Variants in ERMAP observed in about 807,000 individuals in gnomAD.
ERMAP encodes the protein erythroblast membrane associated protein (Scianna blood group), also known as erythroid membrane-associated protein.
ERMAP carries 34 observed loss-of-function variants against 49.5 expected under a neutral mutation model. The observed-to-expected ratio is 0.69, with a 90% CI of 0.52 to 0.91. ERMAP has a LOEUF of 0.91. Among genes scored for constraint, ERMAP ranks in the 40% least tolerant of loss-of-function variants. ERMAP has a pLI of 0.00. For missense variants in ERMAP, 541 were observed against 582.6 expected (o/e 0.93, Z 0.74); for synonymous variants, 214 against 232.2 (o/e 0.92, Z 0.71).
rs1654354698 is a variant in ERMAP at position 42,819,647 on chromosome 1, A to G, written c.-122+2394A>G. 6.6e-6 allele frequency among the ~76,000 whole-genome samples: 1 copy of G among 152,198 alleles called. No individual in the cohort carries two copies. The highest frequency in any genetic ancestry group is 2.1e-4 in the South Asian group (1 of 4,830). ...AAAATTATCTATTTTTATTTGCTTA[A>G]TGATCTATGCATCCCTTGTTTATTT... On this transcript the variant is annotated intron_variant, in intron 1 of 11. Transcript: ENST00000372517. This position sits in a 1 kb window ranked among gnomAD's most constrained non-coding sequence, Gnocchi z 5.1.
At chr1:42,825,491 A>G in intron 1 of ERMAP, 132 bp from the exon 2 acceptor site, 1 of 1,177,826 alleles carries the variant, frequency 8.5e-7, no homozygotes, top group Non-Finnish European at 1.1e-6. Context: ...CTGTTCTTTT[A>G]TCAGGGGCAT....
chr1:42,837,246 T>C (rs957362334), intron 7 of ERMAP, 56 bp downstream of exon 7: 1 of 1,552,150 alleles, frequency 6.4e-7, no homozygotes, highest in Non-Finnish European at 8.9e-7. Context: ...TTTATTTTTC[T>C]ATGTAAATGT....
Position 42,830,475 on chromosome 1 carries a change from C to T in ERMAP, c.27C>T (p.Ser9=). The change falls in exon 3 of 12, where the codon TCC becomes TCT. Residue 9 remains serine (S), a synonymous_variant. Transcript: ENST00000372517. ...TGGAGATGGCGAGTTCTGCTGGCTC[C>T]TGGCTCTCTGGCTGCCTCATCCCTC... is the stretch of plus-strand genomic sequence containing the variant. MEMASSAG[S]WLSGCLIPLV... 1 of 1,614,214 alleles carries T rather than the reference C, an allele frequency of 6.2e-7. No individual in the cohort carries two copies. The highest frequency in any genetic ancestry group is 8.5e-7 in the Non-Finnish European group (1 of 1,180,030).
chr1:42,824,791 G>C (rs1654495598), intron 1 of ERMAP: 1 of 152,236 alleles, frequency 6.6e-6, no homozygotes, highest in Non-Finnish European at 1.5e-5. Flanking sequence ...TCCTCTCACT[G>C]TTGTTTATGT....
intron 7 of ERMAP, among the ~76,000 whole-genome samples, chr1:42,838,115 C>G (rs1654954053): frequency 6.6e-6 from 1 of 152,312 alleles, no homozygotes; most frequent in South Asian, 2.1e-4. Flanking sequence ...AATAATAATT[C>G]TAGGCATCTC....
chr1:42,830,200 A>G (rs953848539), intron 2 of ERMAP: 2 of 536,988 alleles, frequency 3.7e-6, no homozygotes, highest in African/African-American at 3.8e-5. Context: ...ACCTCTTTCA[A>G]CCCTCACCAT....
chr1:42,823,466 A>C (rs1168307192), intron 1 of ERMAP, among the ~76,000 whole-genome samples: 1 of 152,214 alleles, frequency 6.6e-6, no homozygotes, highest in Non-Finnish European at 1.5e-5. Context: ...CCAAAATTCT[A>C]ATTTTTGCTC....
chr1:42,825,043 T>A (rs766335033), intron 1 of ERMAP, among the ~76,000 whole-genome samples: 27 of 152,268 alleles, frequency 1.8e-4, no homozygotes, highest in Non-Finnish European at 4.0e-4. Context: ...TTGGGAATTA[T>A]GTACAATGGG....
In ERMAP at chr1:42,817,181, A is replaced by G. The variant is rs1332892877; in HGVS notation, c.-194A>G. The G allele has an allele frequency of 1.6e-6, 2 of 1,244,122 alleles. No homozygotes were observed. Among genetic ancestry groups the G allele is most frequent in the Admixed American group, 2.6e-5 (1 of 38,012 alleles). The allele number at this position is 1,244,122 out of a possible 1,614,324, so 77.1% of individuals were successfully genotyped here. ...GGAGCCGCCGACCAAGAGGCTTGGG[A>G]GTCTGTACCTTTCCCGACCGGGCCA... is the stretch of plus-strand genomic sequence containing the variant. On this transcript the variant is annotated 5_prime_UTR_variant, in exon 1 of 12. Coordinates refer to ENST00000372517, the MANE Select transcript of ERMAP (RefSeq NM_001017922.2).
rs200071273 is a variant in ERMAP, at chr1:42,831,109, G to A, written c.427G>A (p.Val143Ile). Residue 143 changes from valine (V) to isoleucine (I), a missense_variant, in exon 4 of 12, where the codon GTT becomes ATT. Val to Ile is a conservative substitution (Grantham distance 29). Transcript: ENST00000372517. ...LSKEDTVILQ[V>I]AAPSVGSLSP... ...TAAAGAGGACACCGTGATCCTGCAG[G>A]TTGCAGGTTAGAATGGGTTTGAGGT... 241 of 1,613,970 alleles carry A rather than the reference G, an allele frequency of 1.5e-4. 2 individuals carry two copies. The South Asian group carries it at 2.1e-3, about 14-fold the overall frequency.
intron 7 of ERMAP, among the ~76,000 whole-genome samples, 197 bp downstream of exon 7, chr1:42,837,387 G>A (rs940967443): frequency 6.6e-6 from 1 of 152,106 alleles, no homozygotes; most frequent in African/African-American, 2.4e-5. Context: ...GGGTAAGGAG[G>A]TGCCCAGGTC....
chr1:42,835,825 C>A (rs922651477), intron 6 of ERMAP, 61 bp downstream of exon 6: 38 of 1,568,746 alleles, frequency 2.4e-5, no homozygotes, highest in Middle Eastern at 3.4e-4. Flanking sequence ...TTCTGTGCCC[C>A]CCATACCCAC....
chr1:42,827,196 G>A (rs1231638103), intron 2 of ERMAP, among the ~76,000 whole-genome samples: 4 of 152,128 alleles, frequency 2.6e-5, no homozygotes, highest in Admixed American at 2.6e-4. Flanking sequence ...TTAAGACAGG[G>A]TCTTGCTCTG....
chr1:42,830,906 A>T lies in ERMAP; in HGVS notation c.224A>T (p.Gln75Leu). 1.2e-6 allele frequency: 2 copies of T among 1,614,092 alleles called. No individual in the cohort carries two copies. Among genetic ancestry groups the T allele is most frequent in the Non-Finnish European group, 1.7e-6 (2 of 1,179,974 alleles). The change falls in exon 4 of 12, where the codon CAG becomes CTG. Residue 75 changes from glutamine to leucine, a missense_variant. Transcript: ENST00000372517. Reference sequence around the variant, plus strand: ...CGGTCCCCATTCCCGCAGCGCTCCCAGGCTGTTCACATATTCCGGGATGGG... The same window carrying T: ...CGGTCCCCATTCCCGCAGCGCTCCCTGGCTGTTCACATATTCCGGGATGGG... ...WLRSPFPQRS[Q>L]AVHIFRDGKD...
intron 2 of ERMAP, 54 bp from the exon 3 acceptor site, chr1:42,830,390 C>T (rs1488663058): frequency 1.3e-6 from 2 of 1,522,354 alleles, no homozygotes; most frequent in African/African-American, 2.8e-5. Flanking sequence ...GTTATACCCT[C>T]TGTCACGCCA....
At chr1:42,835,241 C>G (rs552054261) in intron 5 of ERMAP, 87 bp downstream of exon 5, 1 of 763,134 alleles carries the variant, frequency 1.3e-6, no homozygotes, top group Admixed American at 1.8e-5. Flanking sequence ...AGATGTAGAC[C>G]TGACACTTCT....
chr1:42,843,296 G>T lies in ERMAP; in HGVS notation c.*64G>T. 2 of 1,220,942 alleles carry T rather than the reference G, an allele frequency of 1.6e-6. No individual in the cohort carries two copies. Among genetic ancestry groups the T allele is most frequent in the South Asian group, 1.5e-5 (1 of 65,422 alleles). The allele number at this position is 1,220,942 out of a possible 1,614,324, so 75.6% of individuals were successfully genotyped here. A position where few individuals can be genotyped will look rare whatever the true frequency, so the allele number is the denominator to read the frequency against. ...CAGCACCCTGGACTTCAGTCGCCTGGCCCAACCCCATGATTATGGAACGTC... is the reference window on the plus strand; with the variant it reads ...CAGCACCCTGGACTTCAGTCGCCTGTCCCAACCCCATGATTATGGAACGTC... On this transcript the variant is annotated 3_prime_UTR_variant, in exon 12 of 12. Coordinates refer to ENST00000372517, the MANE Select transcript of ERMAP (RefSeq NM_001017922.2).
chr1:42,832,859 G>A (rs548709198), intron 4 of ERMAP, among the ~76,000 whole-genome samples: 12 of 152,380 alleles, frequency 7.9e-5, no homozygotes, highest in Admixed American at 7.8e-4. Context: ...ATCACAGGAG[G>A]CTATGGGGGA....
intron 5 of ERMAP, 24 bp downstream of exon 5, chr1:42,835,178 A>C: frequency 2.3e-5 from 23 of 984,334 alleles, no homozygotes; most frequent in Non-Finnish European, 3.8e-5. Context: ...AAGGGAGCTC[A>C]GGCTGGTGGG....
Sources: gnomAD v4.1 joint callset for allele counts (sites outside exome capture counted in the v4.1 genomes callset) on GRCh38, gnomAD v4.1.1 for gene constraint, Gnocchi (gnomAD v3.1) non-coding constraint, MANE v1.5 for transcripts, NCBI Gene and HGNC (gene_info 2026-07-23, HGNC 2026-07-21) for gene names.